The following ZNF689 variants were observed in gnomAD, a reference collection of about 807,000 sequenced individuals.
The protein encoded by ZNF689 is short ORF-encoded histone-binding protein.
Under a neutral mutation model 37.2 loss-of-function variants are expected in ZNF689, and 14 were observed. The observed-to-expected ratio is 0.38, with a 90% confidence interval of 0.25 to 0.59. The LOEUF (loss-of-function observed/expected upper bound fraction) is 0.59. ZNF689 is among the 20% of genes least tolerant of loss of function. The pLI, the probability that ZNF689 is intolerant of heterozygous loss-of-function variation, is 0.68. For missense variants in ZNF689, 573 were observed against 700.2 expected (o/e 0.82, Z 2.05); for synonymous variants, 277 against 283.3 (o/e 0.98, Z 0.22).
chr16:30,606,988 T>G (rs1263094189), intron 2 of ZNF689, among the ~76,000 whole-genome samples: 2 of 151,966 alleles, frequency 1.3e-5, no homozygotes, highest in Non-Finnish European at 2.9e-5. Context: ...TGGTGGCTCA[T>G]GTCTGTAATC....
At position 30,605,368 on chromosome 16, in the gene ZNF689, C is replaced by T; in HGVS notation, c.399G>A (p.Arg133=). 1 of 1,614,004 alleles carries T rather than the reference C, an allele frequency of 6.2e-7. No homozygotes were observed. The change falls in exon 3 of 3, where the codon CGG becomes CGA. Residue 133 remains arginine, a synonymous_variant. Transcript: ENST00000287461. The surrounding 1 kb of genome is among the most constrained non-coding windows in gnomAD (Gnocchi z 5.1). ...GAATCAGTCGGGGTTTGCTGGGCCT[C>T]CGGCCTCGCTTCCCCTTTCGGGGTG... ...KEAPRKGKRG[R]RPSKPRLIPR... is the part of the protein sequence containing the mutation.
At position 30,605,815 on chromosome 16, in the gene ZNF689, G is replaced by A. The variant is rs558507902; in HGVS notation, c.320-368C>T. 2.4e-4 allele frequency among the ~76,000 whole-genome samples: 36 copies of A among 151,918 alleles called. No individual in the cohort carries two copies. Among genetic ancestry groups the A allele is most frequent in the Non-Finnish European group, 4.6e-4 (31 of 67,938 alleles). ...TCTACTAAAAATACAAAAATTAGCCGGGCGTGGTGGCACGCACCTGTAATC... is the reference window on the plus strand; with the variant it reads ...TCTACTAAAAATACAAAAATTAGCCAGGCGTGGTGGCACGCACCTGTAATC... On this transcript the variant is annotated intron_variant, in intron 2 of 2. Coordinates refer to ENST00000287461, the MANE Select transcript of ZNF689 (RefSeq NM_138447.3). This position sits in a 1 kb window ranked among gnomAD's most constrained non-coding sequence, Gnocchi z 5.1.
chr16:30,609,695 C>G (rs564160075), intron 1 of ZNF689, 57 bp from the exon 2 acceptor site: 50 of 1,609,420 alleles, frequency 3.1e-5, no homozygotes, highest in Non-Finnish European at 4.2e-5. Context: ...AGTAGTATCT[C>G]CCCGACGGCA....
At chr16:30,608,581 G>A (rs1052845037) in intron 2 of ZNF689, 1 of 152,022 alleles carries the variant, frequency 6.6e-6, no homozygotes, top group African/African-American at 2.4e-5. Context: ...CAGCCGGCCG[G>A]TTTTCAAACC....
At position 30,604,815 on chromosome 16, in the gene ZNF689, G is replaced by A; in HGVS notation, c.952C>T (p.Pro318Ser). 6.2e-7 allele frequency: 1 copy of A among 1,609,234 alleles called. No homozygotes were observed. The highest frequency in any genetic ancestry group is 2.2e-5 in the East Asian group (1 of 44,832). Reference sequence around the variant, plus strand: ...AAGCGCCGCTCGCAGTCCGGGCACGGGTAGGGCTTCTCGCCCGTGTGGATG... The same window carrying A: ...AAGCGCCGCTCGCAGTCCGGGCACGAGTAGGGCTTCTCGCCCGTGTGGATG... ...QRIHTGEKPY[P>S]CPDCERRFSS... is the part of the protein sequence containing the mutation. The change falls in exon 3 of 3, where the codon CCG becomes TCG. Residue 318 changes from proline (P) to serine (S), a missense_variant. Physicochemically the swap from Pro to Ser is moderately conservative, Grantham distance 74. Transcript: ENST00000287461. The surrounding 1 kb of genome is among the most constrained non-coding windows in gnomAD (Gnocchi z 5.2).
rs762200703 is a variant in ZNF689 at position 30,609,507 on chromosome 16, T to G, written c.319+18A>C. 1.2e-6 allele frequency: 2 copies of G among 1,607,778 alleles called. No homozygotes were observed. Among genetic ancestry groups the G allele is most frequent in the Non-Finnish European group, 1.7e-6 (2 of 1,174,502 alleles). Reference sequence around the variant, plus strand: ...TTATAGGAGGGCTGCAGGCTCTGCGTGGTTATTTAGCACTCACTTCTCTGG... The same window carrying G: ...TTATAGGAGGGCTGCAGGCTCTGCGGGGTTATTTAGCACTCACTTCTCTGG... On this transcript the variant is annotated intron_variant, in intron 2 of 2. Transcript: ENST00000287461.
chr16:30,610,417 T>G (rs1596589483), upstream of ZNF689: 1 of 214,644 alleles, frequency 4.7e-6, no homozygotes, highest in Non-Finnish European at 9.4e-6. Context: ...CGCCGTCTTT[T>G]TTCCCCTCCC....
In ZNF689 at chr16:30,604,867, C is replaced by T; in HGVS notation, c.900G>A (p.Gln300=). 6.3e-7 allele frequency: 1 copy of T among 1,586,270 alleles called. No individual in the cohort carries two copies. The highest frequency in any genetic ancestry group is 8.6e-7 in the Non-Finnish European group (1 of 1,166,066). Residue 300 remains glutamine, a synonymous_variant, in exon 3 of 3, where the codon CAG becomes CAA. Transcript: ENST00000287461. The surrounding 1 kb of genome is among the most constrained non-coding windows in gnomAD (Gnocchi z 5.2). ...TCLECNRRFR[Q]RTALVIHQRI... is the part of the protein sequence containing the mutation. ...GCTGGTGGATGACGAGGGCCGTGCG[C>T]TGGCGGAAGCGGCGGTTGCACTCGA...
chr16:30,605,555 G>T lies in ZNF689; in HGVS notation c.320-108C>A. ...ACTCACCCCCTGGTCTCAATTCCTA[G>T]TGCCACAGACAGCTAAGTGTGACAT... On this transcript the variant is annotated intron_variant, in intron 2 of 2. Coordinates refer to ENST00000287461, the MANE Select transcript of ZNF689 (RefSeq NM_138447.3). The surrounding 1 kb of genome is among the most constrained non-coding windows in gnomAD (Gnocchi z 5.1). 1 of 1,164,608 alleles carries T rather than the reference G, an allele frequency of 8.6e-7. No individual in the cohort carries two copies. Among genetic ancestry groups the T allele is most frequent in the Non-Finnish European group, 1.2e-6 (1 of 825,662 alleles). The allele number at this position is 1,164,608 out of a possible 1,614,324, so 72.1% of individuals were successfully genotyped here.
rs1400338517 is a variant in ZNF689, at chr16:30,603,895, G to A, written c.*369C>T. The A allele has an allele frequency of 8.0e-6, 3 of 373,806 alleles. 1 individual carries two copies. The highest frequency in any genetic ancestry group is 1.4e-4 in the East Asian group (2 of 14,460). The allele number at this position is 373,806 out of a possible 1,614,324, so 23.2% of individuals were successfully genotyped here. The stretch of plus-strand genomic sequence containing the variant: ...TAGTATGGAGGAAGAGGCAGAGTAG[G>A]GGAAGGTCCTGCCCCTATGAGATTC... On this transcript the variant is annotated 3_prime_UTR_variant, in exon 3 of 3. Coordinates refer to ENST00000287461, the MANE Select transcript of ZNF689 (RefSeq NM_138447.3).
chr16:30,606,100 T>C (rs2052033835), intron 2 of ZNF689, among the ~76,000 whole-genome samples: 1 of 151,796 alleles, frequency 6.6e-6, no homozygotes, highest in Non-Finnish European at 1.5e-5. Context: ...GAGTTCAAGA[T>C]CAGCCTGGGC....
chr16:30,610,170 C>T lies in ZNF689; in HGVS notation c.-129G>A. On this transcript the variant is annotated 5_prime_UTR_variant, in exon 1 of 3. Transcript: ENST00000287461. ...GTGGCCGGGGAGGCCCGGAGGGAAT[C>T]GGAATTGGTCGCCCGCGGGGCTAAC... 1 of 1,111,806 alleles carries T rather than the reference C, an allele frequency of 9.0e-7. No homozygotes were observed. Among genetic ancestry groups the T allele is most frequent in the Middle Eastern group, 3.1e-4 (1 of 3,272 alleles). 68.9% of individuals were successfully genotyped at this position (1,111,806 alleles called of 1,614,324 possible). A position where few individuals can be genotyped will look rare whatever the true frequency, so the allele number is the denominator to read the frequency against.
At chr16:30,607,674 G>A (rs2052049396) in intron 2 of ZNF689, among the ~76,000 whole-genome samples, 1 of 151,924 alleles carries the variant, frequency 6.6e-6, no homozygotes, top group Non-Finnish European at 1.5e-5. Flanking sequence ...GACACAAAGT[G>A]TAAAAGCAAG....
At position 30,605,951 on chromosome 16, in the gene ZNF689, C is replaced by CA. The variant is rs1213916674; in HGVS notation, c.320-505dup. Among the ~76,000 whole-genome samples, 1,915 of 65,812 alleles carry CA rather than the reference C, an allele frequency of 0.029. 19 individuals carry two copies. The highest frequency in any genetic ancestry group is 0.062 in the African/African-American group (1,176 of 19,108). 43.2% of individuals were successfully genotyped at this position (65,812 alleles called of 152,430 possible). ...TGGGCGAGAGAGCGAGATTCCATCTCAAAAAAAAAAAAAAAAGGAATATTT... is the reference window on the plus strand; with the variant it reads ...TGGGCGAGAGAGCGAGATTCCATCTCAAAAAAAAAAAAAAAAAGGAATATTT... On this transcript the variant is annotated intron_variant, in intron 2 of 2. Transcript: ENST00000287461. The surrounding 1 kb of genome is among the most constrained non-coding windows in gnomAD (Gnocchi z 5.1).
At position 30,604,710 on chromosome 16, in the gene ZNF689, G is replaced by A. The variant is rs777221834; in HGVS notation, c.1057C>T (p.Arg353Cys). The A allele has an allele frequency of 1.3e-5, 21 of 1,607,278 alleles. No homozygotes were observed. The highest frequency in any genetic ancestry group is 2.2e-5 in the East Asian group (1 of 44,754). ...RPYACEHCEA[R>C]FSQRSTLLQH... ...AGCAGCGTGCTGCGCTGGGAGAAGC[G>A]GGCCTCACAGTGCTCGCAGGCATAG... Residue 353 changes from arginine to cysteine, a missense_variant, in exon 3 of 3, where the codon CGC becomes TGC. Around this residue, in one of 3 missense-constraint regions of ZNF689, gnomAD observed 317 missense variants for 367.1 expected, o/e 0.86. Transcript: ENST00000287461. The surrounding 1 kb of genome is among the most constrained non-coding windows in gnomAD (Gnocchi z 5.2).
rs2151247044 is a variant in ZNF689 at position 30,610,381 on chromosome 16, T to A, written c.-340A>T. 2 of 278,050 alleles carry A rather than the reference T, an allele frequency of 7.2e-6. No homozygotes were observed. Among genetic ancestry groups the A allele is most frequent in the Admixed American group, 9.5e-5 (2 of 21,060 alleles). The allele number at this position is 278,050 out of a possible 1,614,324, so 17.2% of individuals were successfully genotyped here. A position where few individuals can be genotyped will look rare whatever the true frequency, so the allele number is the denominator to read the frequency against. On this transcript the variant is annotated 5_prime_UTR_variant, in exon 1 of 3. Coordinates refer to ENST00000287461, the MANE Select transcript of ZNF689 (RefSeq NM_138447.3). ...GCTTCCTAACCTCTTTGCCCTCAAG[T>A]GTAATGGCGCTGCGATTGGGCTTCA...
At position 30,610,177 on chromosome 16, in the gene ZNF689, G is replaced by A; in HGVS notation, c.-136C>T. 2 of 1,060,590 alleles carry A rather than the reference G, an allele frequency of 1.9e-6. No individual in the cohort carries two copies. The highest frequency in any genetic ancestry group is 2.6e-6 in the Non-Finnish European group (2 of 757,618). 65.7% of individuals were successfully genotyped at this position (1,060,590 alleles called of 1,614,324 possible). A position where few individuals can be genotyped will look rare whatever the true frequency, so the allele number is the denominator to read the frequency against. ...GGGAGGCCCGGAGGGAATCGGAATTGGTCGCCCGCGGGGCTAACGGAAACC... is the reference window on the plus strand; with the variant it reads ...GGGAGGCCCGGAGGGAATCGGAATTAGTCGCCCGCGGGGCTAACGGAAACC... On this transcript the variant is annotated 5_prime_UTR_variant, in exon 1 of 3. Transcript: ENST00000287461.
chr16:30,610,104 G>A lies in ZNF689; in HGVS notation c.-63C>T. The A allele has an allele frequency of 1.3e-6, 2 of 1,515,182 alleles. No homozygotes were observed. Among genetic ancestry groups the A allele is most frequent in the Non-Finnish European group, 1.8e-6 (2 of 1,130,654 alleles). The allele number at this position is 1,515,182 out of a possible 1,614,324, so 93.9% of individuals were successfully genotyped here. A position where few individuals can be genotyped will look rare whatever the true frequency, so the allele number is the denominator to read the frequency against. Reference sequence around the variant, plus strand: ...AGGCCTCGGCCCTCGGGCGCTGGCGGCCCCTGGGATCGAGGAGCCCCTGCC... The same window carrying A: ...AGGCCTCGGCCCTCGGGCGCTGGCGACCCCTGGGATCGAGGAGCCCCTGCC... On this transcript the variant is annotated 5_prime_UTR_variant, in exon 1 of 3. Transcript: ENST00000287461.
chr16:30,604,573 C>T lies in ZNF689; in HGVS notation c.1194G>A (p.Glu398=). 6.3e-7 allele frequency: 1 copy of T among 1,590,002 alleles called. No homozygotes were observed. The highest frequency in any genetic ancestry group is 2.3e-5 in the East Asian group (1 of 43,572). The change falls in exon 3 of 3, where the codon GAG becomes GAA. Residue 398 remains glutamate, a synonymous_variant. Coordinates refer to ENST00000287461, the MANE Select transcript of ZNF689 (RefSeq NM_138447.3). The surrounding 1 kb of genome is among the most constrained non-coding windows in gnomAD (Gnocchi z 5.2). ...LAIHRSTHTE[E]KLHACDDCGR... Reference sequence around the variant, plus strand: ...CACAGTCGTCGCAGGCGTGCAGCTTCTCCTCTGTGTGCGTGCTGCGATGGA... The same window carrying T: ...CACAGTCGTCGCAGGCGTGCAGCTTTTCCTCTGTGTGCGTGCTGCGATGGA...
Sources: gnomAD v4.1 joint callset for allele counts (sites outside exome capture counted in the v4.1 genomes callset) on GRCh38, gnomAD v4.1.1 for gene constraint, gnomAD v4.1.1 regional missense constraint, Gnocchi (gnomAD v3.1) non-coding constraint, MANE v1.5 for transcripts, NCBI Gene and HGNC (gene_info 2026-07-23, HGNC 2026-07-21) for gene names.